Variants in MICAL3 observed in about 807,000 individuals in gnomAD.
MICAL3 encodes [F-actin]-monooxygenase MICAL3.
Under a neutral mutation model 207.4 loss-of-function variants are expected in MICAL3, and 62 were observed. The observed-to-expected ratio is 0.30, with a 90% confidence interval of 0.24 to 0.37. The LOEUF (loss-of-function observed/expected upper bound fraction) is 0.37. MICAL3 is among the 10% of genes least tolerant of loss of function. The pLI is 1.00. For synonymous variants in MICAL3, 1,077 were observed against 1,069.3 expected (o/e 1.01, Z -0.14); for missense variants, 2,368 against 2,635.6 (o/e 0.90, Z 2.22).
At chr22:17,809,920 G>A (rs1334660355) in intron 28 of MICAL3, among the ~76,000 whole-genome samples, 1 of 151,456 alleles carries the variant, frequency 6.6e-6, no homozygotes, top group Admixed American at 6.6e-5. Flanking sequence ...ATGGAGGCTC[G>A]CCCTCTCACC....
intron 1 of MICAL3, among the ~76,000 whole-genome samples, chr22:17,962,438 A>T (rs1934953642): frequency 6.6e-6 from 1 of 152,114 alleles, no homozygotes; most frequent in African/African-American, 2.4e-5. Flanking sequence ...GGGCTCTTAG[A>T]GCCGGGCAGG....
intron 1 of MICAL3, among the ~76,000 whole-genome samples, chr22:17,911,380 G>C (rs1932132299): frequency 6.6e-6 from 1 of 152,024 alleles, no homozygotes; most frequent in African/African-American, 2.4e-5. Context: ...GACACTTCAA[G>C]AGTATGGCAT....
At chr22:17,854,253 G>C (rs73384601) in intron 19 of MICAL3, among the ~76,000 whole-genome samples, 6,619 of 152,126 alleles carry the variant, frequency 0.044, 404 homozygotes, top group African/African-American at 0.14. Context: ...CTGATGGGGA[G>C]AGGCCAGGGA....
intron 1 of MICAL3, among the ~76,000 whole-genome samples, chr22:17,954,669 A>G (rs1019262110): frequency 6.6e-6 from 1 of 152,144 alleles, no homozygotes; most frequent in Non-Finnish European, 1.5e-5. Flanking sequence ...CCAACACTTG[A>G]TGAACAAACA....
intron 7 of MICAL3, among the ~76,000 whole-genome samples, chr22:17,897,196 G>C (rs1930918497): frequency 6.6e-6 from 1 of 152,098 alleles, no homozygotes; most frequent in Non-Finnish European, 1.5e-5. Context: ...GCTGAGGCGG[G>C]CAGATCACTT....
At position 17,997,149 on chromosome 22, in the gene MICAL3, G is replaced by A. The variant is rs530224249; in HGVS notation, c.-75+27132C>T. ...TGTGATCTCAGCTCACTGCAACCTCGGCCTCCTGAGCGCAGGCAATCCTCC... is the reference window on the plus strand; with the variant it reads ...TGTGATCTCAGCTCACTGCAACCTCAGCCTCCTGAGCGCAGGCAATCCTCC... On this transcript the variant is annotated intron_variant, in intron 1 of 31. Coordinates refer to ENST00000441493, the MANE Select transcript of MICAL3 (RefSeq NM_015241.3). Among the ~76,000 whole-genome samples, 5 of 140,894 alleles carry A rather than the reference G, an allele frequency of 3.5e-5. No individual in the cohort carries two copies. In the South Asian group the frequency reaches 9.3e-4, roughly 26 times the overall value. 92.4% of individuals were successfully genotyped at this position (140,894 alleles called of 152,430 possible).
At chr22:17,983,614 C>T (rs1022261798) in intron 1 of MICAL3, 1 of 152,924 alleles carries the variant, frequency 6.5e-6, no homozygotes, top group Admixed American at 6.5e-5. Flanking sequence ...AGAGTCTCCA[C>T]ATGGCTTACC....
At chr22:17,977,407 C>G (rs919666147) in intron 1 of MICAL3, among the ~76,000 whole-genome samples, 1 of 151,912 alleles carries the variant, frequency 6.6e-6, no homozygotes, top group Non-Finnish European at 1.5e-5. Context: ...CTAAGGAAGA[C>G]CCAGAAGCAC....
chr22:17,966,891 A>G (rs1935167793), intron 1 of MICAL3, among the ~76,000 whole-genome samples: 2 of 152,238 alleles, frequency 1.3e-5, no homozygotes, highest in South Asian at 4.1e-4. Context: ...GTTATCTGTA[A>G]GAACTAGACA....
At chr22:17,930,381 A>G (rs1933183473) in intron 1 of MICAL3, among the ~76,000 whole-genome samples, 1 of 152,218 alleles carries the variant, frequency 6.6e-6, no homozygotes, top group Admixed American at 6.5e-5. Context: ...CTTTATTCAT[A>G]ATACTCAAAA....
chr22:17,960,878 T>C (rs1934878702), intron 1 of MICAL3, among the ~76,000 whole-genome samples: 1 of 151,900 alleles, frequency 6.6e-6, no homozygotes, highest in Non-Finnish European at 1.5e-5. Context: ...CCTCCAGGCA[T>C]GGAAAGAGCA....
At chr22:17,939,221 G>A (rs1933698179) in intron 1 of MICAL3, among the ~76,000 whole-genome samples, 2 of 152,108 alleles carry the variant, frequency 1.3e-5, no homozygotes, top group African/African-American at 2.4e-5. Context: ...CCCTGACACC[G>A]CCCCTCAACC....
intron 1 of MICAL3, among the ~76,000 whole-genome samples, chr22:17,946,037 G>A (rs1203561597): frequency 1.3e-5 from 2 of 152,138 alleles, no homozygotes; most frequent in Admixed American, 1.3e-4. Context: ...GGAAATCCTC[G>A]CTAGTAACAA....
In MICAL3 at chr22:17,801,232, A is replaced by G. The variant is rs1289412238; in HGVS notation, c.5650+7612T>C. ...CAGTGGCGGGATCTCGGCTCACTGC[A>G]AGCTCCGCCTCCCGGGTTCACGCCA... On this transcript the variant is annotated intron_variant, in intron 29 of 31. Coordinates refer to ENST00000441493, the MANE Select transcript of MICAL3 (RefSeq NM_015241.3). 2.0e-5 allele frequency among the ~76,000 whole-genome samples: 2 copies of G among 100,676 alleles called. 1 individual carries two copies. Among genetic ancestry groups the G allele is most frequent in the African/African-American group, 1.3e-4 (2 of 15,418 alleles). 66.0% of individuals were successfully genotyped at this position (100,676 alleles called of 152,430 possible).
At chr22:17,872,852 C>G (rs776036846) in intron 16 of MICAL3, 1 of 1,585,764 alleles carries the variant, frequency 6.3e-7, no homozygotes, top group East Asian at 2.2e-5. Flanking sequence ...TCTTTATATA[C>G]TTCTATCGGT....
chr22:17,992,126 G>A (rs1921751153), intron 1 of MICAL3, among the ~76,000 whole-genome samples: 1 of 152,294 alleles, frequency 6.6e-6, no homozygotes. Flanking sequence ...TATATCTCTC[G>A]ATGAGTAGCT....
chr22:17,817,704 G>T lies in MICAL3; in HGVS notation c.4957C>A (p.Pro1653Thr), dbSNP rs45518631. Residue 1653 changes from proline to threonine, a missense_variant, in exon 26 of 32, where the codon CCC becomes ACC. Physicochemically the swap from Pro to Thr is conservative, Grantham distance 38. Transcript: ENST00000441493. ...GGCTCCTCGGAGCCCCTGAGAGTGG[G>T]GCGTGTGGGGGAGTCAGGCCGGCGC... The part of the protein sequence containing the change: ...KERRPDSPTR[P>T]TLRGSEEPTL... 7.5e-3 allele frequency: 11,917 copies of T among 1,598,750 alleles called. 86 individuals carry two copies. Among genetic ancestry groups the T allele is most frequent in the Middle Eastern group, 9.3e-3 (55 of 5,930 alleles).
At position 17,829,436 on chromosome 22, in the gene MICAL3, T is replaced by G. The variant is rs200982692; in HGVS notation, c.3056-1655A>C. On this transcript the variant is annotated intron_variant, in intron 21 of 31. Coordinates refer to ENST00000441493, the MANE Select transcript of MICAL3 (RefSeq NM_015241.3). ...CACACGCCTCGGCCTCCCAAAGTGC[T>G]GGGATTACAGGCATGAGCCACTGCA... 6.6e-5 allele frequency among the ~76,000 whole-genome samples: 10 copies of G among 152,338 alleles called. No individual in the cohort carries two copies. In the East Asian group the frequency reaches 1.7e-3, roughly 26 times the overall value.
At chr22:17,899,691 G>A (rs968398577) in intron 6 of MICAL3, 143 bp from the exon 7 acceptor site, 28 of 629,132 alleles carry the variant, frequency 4.5e-5, no homozygotes, top group South Asian at 1.3e-4. Context: ...AGATTCTCAC[G>A]TCCTGTATCA....
Sources: allele counts gnomAD v4.1 joint callset (sites outside exome capture counted in the v4.1 genomes callset), GRCh38; gene constraint gnomAD v4.1.1; transcripts MANE v1.5; gene names NCBI Gene and HGNC (gene_info 2026-07-23, HGNC 2026-07-21).